Variants in PTPRN2 observed in about 807,000 individuals in gnomAD.
PTPRN2 encodes the protein protein tyrosine phosphatase receptor type N2.
In PTPRN2, 74 loss-of-function variants were observed where a neutral mutation model predicts 118.8. The observed-to-expected ratio is 0.62, with a 90% CI of 0.52 to 0.76. The LOEUF is 0.76. Among genes scored for constraint, PTPRN2 ranks in the 30% least tolerant of loss-of-function variants. The pLI is 0.00. For synonymous variants in PTPRN2, 641 were observed against 608.0 expected, an observed-to-expected ratio of 1.05 and a Z score of -0.80; for missense variants, 1,481 against 1,394.4, an observed-to-expected ratio of 1.06 and a Z score of -0.99.
At chr7:158,228,381 T>C (rs901636860) in intron 3 of PTPRN2, among the ~76,000 whole-genome samples, 2 of 152,144 alleles carry the variant, frequency 1.3e-5, no homozygotes, top group African/African-American at 4.8e-5. Flanking sequence ...ATTTTAAACT[T>C]TTCTGAGCAA....
At chr7:158,011,461 A>G (rs1250305105) in intron 11 of PTPRN2, among the ~76,000 whole-genome samples, 1 of 152,238 alleles carries the variant, frequency 6.6e-6, no homozygotes, top group Non-Finnish European at 1.5e-5. Flanking sequence ...CAACCAGAAG[A>G]GGGAGCACAT....
At chr7:157,847,511 CGTGCCCG>C (rs1563167545) in intron 12 of PTPRN2, among the ~76,000 whole-genome samples, 913 of 59,958 alleles carry the variant, frequency 0.015, no homozygotes, top group South Asian at 0.059. Flanking sequence ...CTCCATCATG[CGTGCCCG>C]ATGTCTACAG....
intron 2 of PTPRN2, among the ~76,000 whole-genome samples, chr7:158,419,918 C>A (rs1815108602): frequency 6.6e-6 from 1 of 152,188 alleles, no homozygotes. Flanking sequence ...ATGCAATCCA[C>A]CTATGTTAGC....
intron 1 of PTPRN2, among the ~76,000 whole-genome samples, chr7:158,550,289 C>T (rs1312447233): frequency 6.6e-6 from 1 of 152,218 alleles, no homozygotes; most frequent in Non-Finnish European, 1.5e-5. Flanking sequence ...CACCAGCCTG[C>T]CCCTCAGGAC....
chr7:158,092,052 T>G, intron 10 of PTPRN2, among the ~76,000 whole-genome samples: 1 of 106,774 alleles, frequency 9.4e-6, no homozygotes, highest in South Asian at 3.2e-4. Flanking sequence ...GAGGGATAGG[T>G]GATGGATAGG....
Position 157,621,365 on chromosome 7 carries a change from T to C in PTPRN2, c.2341A>G (p.Thr781Ala), listed in dbSNP as rs781125496. Reference protein sequence around the residue: ...VPKNRSLAVLTYDHSRVLLKA... With the variant: ...VPKNRSLAVLAYDHSRVLLKA... ...TGCCCCCGGGGCTGGTACGTACAGGTCAGCACGGCCAGGGAGCGGTTCTTG... is the reference window on the plus strand; with the variant it reads ...TGCCCCCGGGGCTGGTACGTACAGGCCAGCACGGCCAGGGAGCGGTTCTTG... Residue 781 changes from threonine (T) to alanine (A), a missense_variant, in exon 15 of 23, where the codon ACC becomes GCC. Transcript: ENST00000389418. The C allele has an allele frequency of 1.9e-6, 3 of 1,611,964 alleles. No individual in the cohort carries two copies. The highest frequency in any genetic ancestry group is 1.7e-5 in the Admixed American group (1 of 59,966).
At chr7:158,569,040 C>T (rs1208581470) in intron 1 of PTPRN2, among the ~76,000 whole-genome samples, 1 of 152,150 alleles carries the variant, frequency 6.6e-6, no homozygotes, top group African/African-American at 2.4e-5. Flanking sequence ...ACAGGAGAAT[C>T]ACTGGAGCCC....
At chr7:158,481,820 C>T (rs1000682758) in intron 2 of PTPRN2, among the ~76,000 whole-genome samples, 1 of 152,230 alleles carries the variant, frequency 6.6e-6, no homozygotes, top group Admixed American at 6.5e-5. Context: ...ATAGTGATTC[C>T]TCTGACTGAT....
At chr7:158,133,097 G>A (rs530272309) in intron 9 of PTPRN2, among the ~76,000 whole-genome samples, 1 of 152,344 alleles carries the variant, frequency 6.6e-6, no homozygotes, top group African/African-American at 2.4e-5. Context: ...ATCGACATGA[G>A]GGCGGGGAAA....
chr7:158,178,023 T>C (rs990766036), intron 5 of PTPRN2, among the ~76,000 whole-genome samples: 3 of 152,342 alleles, frequency 2.0e-5, no homozygotes, highest in South Asian at 2.1e-4. Context: ...TGCCAATACA[T>C]AGGATGGTCA....
intron 12 of PTPRN2, among the ~76,000 whole-genome samples, chr7:157,815,931 T>C (rs1195481872): frequency 1.3e-5 from 2 of 152,236 alleles, no homozygotes; most frequent in Non-Finnish European, 2.9e-5. Flanking sequence ...AGTAAGCATG[T>C]TGCAGACTCC....
intron 5 of PTPRN2, among the ~76,000 whole-genome samples, chr7:158,175,814 GGGTGCCAATGTGAACTCCT>G (rs1268242683): frequency 1.3e-5 from 2 of 152,130 alleles, no homozygotes; most frequent in Non-Finnish European, 2.9e-5. Context: ...CAGTATCACG[GGGTGCCAATGTGAACTCCT>G]GGATATCTGC....
intron 14 of PTPRN2, among the ~76,000 whole-genome samples, chr7:157,651,110 G>T (rs1340495708): frequency 6.6e-6 from 1 of 152,230 alleles, no homozygotes; most frequent in Non-Finnish European, 1.5e-5. Context: ...GCAAATCTGC[G>T]GAAGGTGCGG....
intron 12 of PTPRN2, among the ~76,000 whole-genome samples, chr7:157,800,282 C>T (rs915285327): frequency 3.3e-5 from 5 of 152,252 alleles, no homozygotes; most frequent in African/African-American, 9.6e-5. Flanking sequence ...GCTCAGAGGC[C>T]TCTGCTTAGC....
chr7:158,581,417 C>A (rs1466437959), intron 1 of PTPRN2, among the ~76,000 whole-genome samples: 3 of 152,130 alleles, frequency 2.0e-5, no homozygotes, highest in African/African-American at 7.2e-5. Context: ...GAAGGGAGCA[C>A]ACTGGGAAGT....
rs534942519 is a variant in PTPRN2 at position 157,681,811 on chromosome 7, T to C, written c.2001+914A>G. On this transcript the variant is annotated intron_variant, in intron 13 of 22. Transcript: ENST00000389418. ...ATACGACTGTAAAAATGATGAATTA[T>C]TTACAAGACGTATTGCACACTGTAA... 3.9e-5 allele frequency among the ~76,000 whole-genome samples: 6 copies of C among 152,322 alleles called. No homozygotes were observed. The South Asian group carries it at 1.2e-3, about 32-fold the overall frequency.
Position 157,585,668 on chromosome 7 carries a change from G to A in PTPRN2, c.2497-7528C>T, listed in dbSNP as rs1341848418. On this transcript the variant is annotated intron_variant, in intron 17 of 22. Transcript: ENST00000389418. The surrounding 1 kb of genome is among the most constrained non-coding windows in gnomAD (Gnocchi z 5.2). ...CTTGCGGGGAGCTGCTGCACTGGGC[G>A]GCCTTTCCTTTTCAAGATCAGGACC... Among the ~76,000 whole-genome samples the A allele has an allele frequency of 6.6e-6, 1 of 152,180 alleles. No individual in the cohort carries two copies. The highest frequency in any genetic ancestry group is 1.5e-5 in the Non-Finnish European group (1 of 68,050).
At chr7:157,743,575 G>A (rs1800754940) in intron 12 of PTPRN2, among the ~76,000 whole-genome samples, 1 of 151,762 alleles carries the variant, frequency 6.6e-6, no homozygotes, top group South Asian at 2.1e-4. Flanking sequence ...AGCCATGGCT[G>A]GGATAGCTAT....
chr7:158,480,859 G>A (rs1008833823), intron 2 of PTPRN2, among the ~76,000 whole-genome samples: 2 of 152,250 alleles, frequency 1.3e-5, no homozygotes, highest in African/African-American at 4.8e-5. Context: ...AGCTCGCAGA[G>A]GTTGGTTCAT....
Sources: gnomAD v4.1 joint callset for allele counts (sites outside exome capture counted in the v4.1 genomes callset) on GRCh38, gnomAD v4.1.1 for gene constraint, Gnocchi (gnomAD v3.1) non-coding constraint, MANE v1.5 for transcripts, NCBI Gene and HGNC (gene_info 2026-07-23, HGNC 2026-07-21) for gene names.